Variants in TACC2 observed in about 807,000 individuals in gnomAD.
TACC2 encodes transforming acidic coiled-coil-containing protein 2.
Under a neutral mutation model 227.3 loss-of-function variants are expected in TACC2, and 137 were observed. The observed-to-expected ratio is 0.60, with a 90% confidence interval of 0.52 to 0.69. The LOEUF is 0.69. Ranked by LOEUF, TACC2 falls within the 30% of genes least tolerant of loss-of-function variation. The pLI is 0.00. For missense variants in TACC2, 3,470 were observed against 3,694.4 expected (o/e 0.94, Z 1.57); for synonymous variants, 1,523 against 1,487.5 (o/e 1.02, Z -0.55).
At chr10:122,029,731 TC>T (rs1958692263) in intron 2 of TACC2, among the ~76,000 whole-genome samples, 1 of 152,134 alleles carries the variant, frequency 6.6e-6, no homozygotes, top group South Asian at 2.1e-4. Flanking sequence ...GGCATAGCTA[TC>T]GGGTGAGCGC....
intron 5 of TACC2, among the ~76,000 whole-genome samples, chr10:122,128,871 G>A (rs2087408294): frequency 6.6e-6 from 1 of 151,864 alleles, no homozygotes; most frequent in Non-Finnish European, 1.5e-5. Context: ...TATTATGCTT[G>A]CGCTGTCTCT....
At chr10:122,057,484 C>G (rs1591534164) in intron 3 of TACC2, among the ~76,000 whole-genome samples, 1 of 152,004 alleles carries the variant, frequency 6.6e-6, no homozygotes, top group East Asian at 2.0e-4. Context: ...TCCCTCTTGG[C>G]CAAAGGGACC....
At position 122,050,467 on chromosome 10, in the gene TACC2, C is replaced by G; in HGVS notation, c.63C>G (p.Ser21=). The G allele has an allele frequency of 6.2e-7, 1 of 1,614,022 alleles. No individual in the cohort carries two copies. The highest frequency in any genetic ancestry group is 8.5e-7 in the Non-Finnish European group (1 of 1,180,002). ...CTTTATCAGCTCAGACTCCAAGGTCCGCGCAGCCACCCGGGAACAGTCAGA... is the reference window on the plus strand; with the variant it reads ...CTTTATCAGCTCAGACTCCAAGGTCGGCGCAGCCACCCGGGAACAGTCAGA... The part of the protein sequence containing the change: ...QRTLSAQTPR[S]AQPPGNSQNI... The change falls in exon 3 of 23, where the codon TCC becomes TCG. Residue 21 remains serine (S), a synonymous_variant. Transcript: ENST00000369005. This position sits in a 1 kb window ranked among gnomAD's most constrained non-coding sequence, Gnocchi z 4.6.
intron 2 of TACC2, among the ~76,000 whole-genome samples, chr10:122,035,961 C>T (rs1002604635): frequency 3.9e-5 from 6 of 152,076 alleles, no homozygotes; most frequent in East Asian, 1.9e-4. Flanking sequence ...TATAGGCATG[C>T]GCTACTGCAG....
At chr10:122,012,792 G>A (rs1956113200) in intron 1 of TACC2, among the ~76,000 whole-genome samples, 1 of 149,486 alleles carries the variant, frequency 6.7e-6, no homozygotes, top group Non-Finnish European at 1.5e-5. Context: ...CAGGTGGCTG[G>A]AGCTGGCATC....
intron 7 of TACC2, 95 bp downstream of exon 7, chr10:122,143,801 A>G: frequency 7.1e-7 from 1 of 1,403,916 alleles, no homozygotes; most frequent in Non-Finnish European, 9.7e-7. Flanking sequence ...CGCATTTAGG[A>G]TGGTAACAAG....
chr10:122,077,426 A>G (rs2078941116), intron 3 of TACC2, among the ~76,000 whole-genome samples: 1 of 152,108 alleles, frequency 6.6e-6, no homozygotes, highest in Non-Finnish European at 1.5e-5. Context: ...TGTGAAAGAA[A>G]CTGATCTGGG....
At chr10:122,224,848 C>G (rs992456017) in intron 12 of TACC2, 61 bp downstream of exon 12, 8 of 1,395,344 alleles carry the variant, frequency 5.7e-6, no homozygotes, top group South Asian at 3.5e-5. Flanking sequence ...GGGGCCTCCT[C>G]CCCTGTGCAG....
chr10:122,211,761 T>A, intron 9 of TACC2, 53 bp downstream of exon 9: 4 of 1,468,926 alleles, frequency 2.7e-6, no homozygotes, highest in Non-Finnish European at 3.6e-6. Flanking sequence ...GCGCATTGGC[T>A]GTGACCCTTG....
chr10:122,106,013 G>T (rs1171847075), intron 5 of TACC2, among the ~76,000 whole-genome samples: 1 of 144,782 alleles, frequency 6.9e-6, no homozygotes, highest in African/African-American at 2.5e-5. Flanking sequence ...TTGAGATGGG[G>T]TCTCGCTCTT....
intron 2 of TACC2, among the ~76,000 whole-genome samples, chr10:122,043,973 G>A (rs2074667812): frequency 6.6e-6 from 1 of 152,208 alleles, no homozygotes; most frequent in African/African-American, 2.4e-5. Context: ...TTCTCCTAAA[G>A]TTAACATTTT....
Position 122,230,458 on chromosome 10 carries a change from C to T in TACC2, c.8127+18C>T, listed in dbSNP as rs201688729. 17 of 1,608,754 alleles carry T rather than the reference C, an allele frequency of 1.1e-5. No homozygotes were observed. The highest frequency in any genetic ancestry group is 8.9e-5 in the East Asian group (4 of 44,844). ...ATGCCAAGGTACCGGTTTGCTGCTG[C>T]GTGCGCCACCTCCTGAGAATGTCAT... On this transcript the variant is annotated intron_variant, in intron 16 of 22. Transcript: ENST00000369005.
At chr10:122,154,985 G>C (rs558369854) in intron 7 of TACC2, among the ~76,000 whole-genome samples, 1 of 152,208 alleles carries the variant, frequency 6.6e-6, no homozygotes, top group African/African-American at 2.4e-5. Flanking sequence ...GGGCAGCCCT[G>C]TGCCAGCTTC....
chr10:122,143,167 T>C lies in TACC2; in HGVS notation c.5700-405T>C, dbSNP rs140858140. 1.6e-4 allele frequency among the ~76,000 whole-genome samples: 24 copies of C among 152,348 alleles called. No homozygotes were observed. In the East Asian group the frequency reaches 3.7e-3, roughly 23 times the overall value. ...ATTTGCGGGCAAAGCCTGGGGAATT[T>C]GTAAAGTTGTATTTTAGTTCTCACC... On this transcript the variant is annotated intron_variant, in intron 6 of 22. Transcript: ENST00000369005.
At position 122,050,767 on chromosome 10, in the gene TACC2, G is replaced by A; in HGVS notation, c.146+217G>A. ...AATTCATCCTGATTGCCTGCCCAAA[G>A]ATGAAATTAGTAATTATAGACTTCC... On this transcript the variant is annotated intron_variant, in intron 3 of 22. Transcript: ENST00000369005. The surrounding 1 kb of genome is among the most constrained non-coding windows in gnomAD (Gnocchi z 4.6). 1.9e-6 allele frequency: 1 copy of A among 530,944 alleles called. No individual in the cohort carries two copies. Among genetic ancestry groups the A allele is most frequent in the Non-Finnish European group, 3.3e-6 (1 of 298,542 alleles). The allele number at this position is 530,944 out of a possible 1,614,324, so 32.9% of individuals were successfully genotyped here. A position where few individuals can be genotyped will look rare whatever the true frequency, so the allele number is the denominator to read the frequency against.
intron 17 of TACC2, 105 bp downstream of exon 17, chr10:122,237,643 C>T (rs766777135): frequency 1.0e-4 from 139 of 1,386,762 alleles, no homozygotes; most frequent in Middle Eastern, 4.5e-4. Context: ...GTCCTCTGAA[C>T]GCTGCAGGCA....
rs143121367 is a variant in TACC2 at position 122,083,384 on chromosome 10, C to T, written c.884C>T (p.Ala295Val). 7.5e-5 allele frequency: 121 copies of T among 1,613,880 alleles called. No homozygotes were observed. Among genetic ancestry groups the T allele is most frequent in the African/African-American group, 3.1e-4 (23 of 75,054 alleles). ...ASDRERGQGE[A>V]PPQYLTDDLE... ...GACAGAGAAAGAGGCCAAGGGGAGG[C>T]GCCGCCTCAGTATTTAACAGATGAC... The change falls in exon 4 of 23, where the codon GCG (alanine) becomes GTG (valine). Residue 295 changes from alanine to valine, a missense_variant. By Grantham distance (64) the Ala-to-Val change is moderately conservative. Coordinates refer to ENST00000369005, the MANE Select transcript of TACC2 (RefSeq NM_206862.4).
At chr10:122,182,662 G>A (rs2094010107) in intron 7 of TACC2, among the ~76,000 whole-genome samples, 1 of 152,196 alleles carries the variant, frequency 6.6e-6, no homozygotes. Context: ...TAAATGACGA[G>A]TTATAAAGTC....
At chr10:122,080,838 C>T (rs1392041498) in intron 3 of TACC2, among the ~76,000 whole-genome samples, 1 of 152,170 alleles carries the variant, frequency 6.6e-6, no homozygotes, top group Non-Finnish European at 1.5e-5. Flanking sequence ...TTTCCACTAG[C>T]CCCCTCCAGA....
Sources: allele counts gnomAD v4.1 joint callset (sites outside exome capture counted in the v4.1 genomes callset), GRCh38; gene constraint gnomAD v4.1.1; non-coding constraint Gnocchi (gnomAD v3.1); transcripts MANE v1.5; gene names NCBI Gene and HGNC (gene_info 2026-07-23, HGNC 2026-07-21).